SKI: variants seen among roughly 807,000 people sequenced by gnomAD.
SKI encodes SKI proto-oncogene, also known as ski oncogene.
SKI carries 23 observed loss-of-function variants against 59.3 expected under a neutral mutation model. The observed-to-expected ratio is 0.39, with a 90% CI of 0.28 to 0.55. SKI has a LOEUF of 0.55. Among genes scored for constraint, SKI ranks in the 20% least tolerant of loss-of-function variants. SKI has a pLI of 0.67. For missense variants in SKI, 1,017 were observed against 1,038.9 expected (o/e 0.98, Z 0.29); for synonymous variants, 673 against 488.6 (o/e 1.38, Z -4.98).
chr1:2,303,217 C>T lies in SKI; in HGVS notation c.1096-68C>T. On this transcript the variant is annotated intron_variant, in intron 2 of 6. Coordinates refer to ENST00000378536, the MANE Select transcript of SKI (RefSeq NM_003036.4). The surrounding 1 kb of genome is among the most constrained non-coding windows in gnomAD (Gnocchi z 5.6). Reference sequence around the variant, plus strand: ...CGCTACTGAGGGCTGGCACCCGGCGCAGCCTCAGGGACATGAAGTGGCTTG... The same window carrying T: ...CGCTACTGAGGGCTGGCACCCGGCGTAGCCTCAGGGACATGAAGTGGCTTG... 1 of 1,599,394 alleles carries T rather than the reference C, an allele frequency of 6.3e-7. No individual in the cohort carries two copies. The highest frequency in any genetic ancestry group is 8.6e-7 in the Non-Finnish European group (1 of 1,168,566).
chr1:2,248,604 G>T (rs1019359784), intron 1 of SKI, among the ~76,000 whole-genome samples: 1 of 152,212 alleles, frequency 6.6e-6, no homozygotes, highest in Admixed American at 6.5e-5. Context: ...GGCGCTCTGC[G>T]CTGGTTCAGA....
Position 2,246,674 on chromosome 1 carries a change from C to T in SKI, c.969+16939C>T, listed in dbSNP as rs533501584. On this transcript the variant is annotated intron_variant, in intron 1 of 6. Transcript: ENST00000378536. ...GGGCTCTGCCGGGACTGGTGGTGTTCATGGAGAGGGCTTCTGTGTGATGAA... is the reference window on the plus strand; with the variant it reads ...GGGCTCTGCCGGGACTGGTGGTGTTTATGGAGAGGGCTTCTGTGTGATGAA... Among the ~76,000 whole-genome samples, 70 of 152,264 alleles carry T rather than the reference C, an allele frequency of 4.6e-4. 3 individuals carry two copies. The South Asian group carries it at 0.012, about 26-fold the overall frequency.
rs1283941274 is a variant in SKI at position 2,270,902 on chromosome 1, C to T, written c.970-32076C>T. On this transcript the variant is annotated intron_variant, in intron 1 of 6. Transcript: ENST00000378536. This position sits in a 1 kb window ranked among gnomAD's most constrained non-coding sequence, Gnocchi z 4.1. ...GGCACCTGGCCCTGTCCCGGGCCAC[C>T]CCAGGCTGGACCAGCTGCCCATGTC... Among the ~76,000 whole-genome samples the T allele has an allele frequency of 6.6e-6, 1 of 152,216 alleles. No homozygotes were observed. The highest frequency in any genetic ancestry group is 2.4e-5 in the African/African-American group (1 of 41,454).
intron 1 of SKI, among the ~76,000 whole-genome samples, chr1:2,249,616 T>G (rs1639078084): frequency 6.6e-6 from 1 of 152,202 alleles, no homozygotes; most frequent in South Asian, 2.1e-4. Context: ...TGAGAGATGC[T>G]TGACTCCCCA....
At chr1:2,300,355 C>T (rs1640394547) in intron 1 of SKI, among the ~76,000 whole-genome samples, 1 of 151,752 alleles carries the variant, frequency 6.6e-6, no homozygotes, top group Non-Finnish European at 1.5e-5. Context: ...GTGCTCCTGC[C>T]TCGTGGCCTG....
intron 1 of SKI, among the ~76,000 whole-genome samples, chr1:2,242,687 TA>T (rs1006605804): frequency 1.3e-5 from 2 of 152,090 alleles, no homozygotes; most frequent in Non-Finnish European, 2.9e-5. Flanking sequence ...GCCTGGCGGA[TA>T]TTTTTTTTAA....
At position 2,303,845 on chromosome 1, in the gene SKI, ACTC is replaced by A; in HGVS notation, c.1220_1222del (p.Ser407del). On this transcript the variant is annotated inframe_deletion, in exon 4 of 7. Coordinates refer to ENST00000378536, the MANE Select transcript of SKI (RefSeq NM_003036.4). This position sits in a 1 kb window ranked among gnomAD's most constrained non-coding sequence, Gnocchi z 5.6. ...ACACCCGCCTGCCCCTCCAGCTTCT[ACTC>A]CTACAAGAGCTTTGAGACAGCCGTG... is the stretch of plus-strand genomic sequence containing the variant. The A allele has an allele frequency of 6.2e-7, 1 of 1,611,906 alleles. No individual in the cohort carries two copies.
chr1:2,246,232 G>A (rs1273046380), intron 1 of SKI, among the ~76,000 whole-genome samples: 1 of 152,144 alleles, frequency 6.6e-6, no homozygotes, highest in Admixed American at 6.6e-5. Flanking sequence ...CCATCCTAAT[G>A]GGTGTGAGGT....
chr1:2,236,935 C>T (rs776246402), intron 1 of SKI, among the ~76,000 whole-genome samples: 1 of 152,214 alleles, frequency 6.6e-6, no homozygotes, highest in Non-Finnish European at 1.5e-5. Context: ...AGGCTTCCTG[C>T]AGGTCCCACG....
chr1:2,234,152 C>T (rs532543591), intron 1 of SKI, among the ~76,000 whole-genome samples: 5 of 152,252 alleles, frequency 3.3e-5, no homozygotes, highest in African/African-American at 9.6e-5. Context: ...GAAAGACGGC[C>T]GGCTGCTGAG....
Position 2,269,423 on chromosome 1 carries a change from A to G in SKI, c.970-33555A>G, listed in dbSNP as rs1639568630. On this transcript the variant is annotated intron_variant, in intron 1 of 6. Transcript: ENST00000378536. This position sits in a 1 kb window ranked among gnomAD's most constrained non-coding sequence, Gnocchi z 4.7. ...CCCCCACAGCGTCACTAGTAGGCCA[A>G]GCGGACACTGCGGGACACGTTCCCC... Among the ~76,000 whole-genome samples, 1 of 152,262 alleles carries G rather than the reference A, an allele frequency of 6.6e-6. No individual in the cohort carries two copies. Among genetic ancestry groups the G allele is most frequent in the African/African-American group, 2.4e-5 (1 of 41,472 alleles).
Position 2,269,988 on chromosome 1 carries a change from G to A in SKI, c.970-32990G>A, listed in dbSNP as rs1639582264. On this transcript the variant is annotated intron_variant, in intron 1 of 6. Transcript: ENST00000378536. The surrounding 1 kb of genome is among the most constrained non-coding windows in gnomAD (Gnocchi z 4.7). Reference sequence around the variant, plus strand: ...TGCCTGTGGCTGGCGTGGGTCTGGCGGGTCTGGTGGTGCCTGTGGCTGGCG... The same window carrying A: ...TGCCTGTGGCTGGCGTGGGTCTGGCAGGTCTGGTGGTGCCTGTGGCTGGCG... 1.3e-5 allele frequency among the ~76,000 whole-genome samples: 2 copies of A among 148,728 alleles called. No individual in the cohort carries two copies. Among genetic ancestry groups the A allele is most frequent in the African/African-American group, 2.5e-5 (1 of 40,212 alleles).
chr1:2,263,630 A>T (rs1368607807), intron 1 of SKI, among the ~76,000 whole-genome samples: 1 of 151,694 alleles, frequency 6.6e-6, no homozygotes, highest in Non-Finnish European at 1.5e-5. Flanking sequence ...GTGTTAACAG[A>T]GTAATGTTCT....
At chr1:2,230,398 G>A (rs1638608572) in intron 1 of SKI, among the ~76,000 whole-genome samples, 1 of 152,214 alleles carries the variant, frequency 6.6e-6, no homozygotes, top group Non-Finnish European at 1.5e-5. Flanking sequence ...GGGCCTGCCA[G>A]GGACCAAATC....
intron 1 of SKI, among the ~76,000 whole-genome samples, chr1:2,246,860 G>C (rs199889626): frequency 2.0e-5 from 3 of 150,802 alleles, no homozygotes; most frequent in Admixed American, 1.3e-4. Context: ...TGATGGGGGG[G>C]GCCTCAGGAA....
At chr1:2,253,290 G>A (rs1427500290) in intron 1 of SKI, among the ~76,000 whole-genome samples, 2 of 151,962 alleles carry the variant, frequency 1.3e-5, no homozygotes, top group Admixed American at 6.6e-5. Context: ...GAGCACCCAG[G>A]TTGGTATCAT....
At chr1:2,280,308 G>A (rs1327500825) in intron 1 of SKI, among the ~76,000 whole-genome samples, 1 of 151,884 alleles carries the variant, frequency 6.6e-6, no homozygotes, top group African/African-American at 2.4e-5. Context: ...CCCGGGAGGC[G>A]GAGGTTGCAG....
At position 2,229,044 on chromosome 1, in the gene SKI, C is replaced by T. The variant is rs749071609; in HGVS notation, c.278C>T (p.Pro93Leu). 1 of 1,603,424 alleles carries T rather than the reference C, an allele frequency of 6.2e-7. No individual in the cohort carries two copies. The change falls in exon 1 of 7, where the codon CCG becomes CTG. Residue 93 changes from proline to leucine, a missense_variant. Physicochemically the swap from Pro to Leu is moderately conservative, Grantham distance 98. Transcript: ENST00000378536. The surrounding 1 kb of genome is among the most constrained non-coding windows in gnomAD (Gnocchi z 6.3). ...GTGCTGCCCGGGCCCTTCTTCATGC[C>T]GTCCGACCGCTCCACCGAGCGCTGC... ...PPVLPGPFFM[P>L]SDRSTERCET...
At position 2,229,312 on chromosome 1, in the gene SKI, C is replaced by T; in HGVS notation, c.546C>T (p.Ala182=). The T allele has an allele frequency of 1.9e-6, 3 of 1,595,726 alleles. No individual in the cohort carries two copies. The highest frequency in any genetic ancestry group is 2.6e-6 in the Non-Finnish European group (3 of 1,172,056). The change falls in exon 1 of 7, where the codon GCC becomes GCT. Residue 182 remains alanine (A), a synonymous_variant. Transcript: ENST00000378536. This position sits in a 1 kb window ranked among gnomAD's most constrained non-coding sequence, Gnocchi z 6.3. ...PSCGLITKTD[A]ERLCNALLYG... ...GCGGGCTCATCACCAAGACGGACGC[C>T]GAGCGCCTGTGCAACGCGCTGCTCT...
Sources: gnomAD v4.1 joint callset for allele counts (sites outside exome capture counted in the v4.1 genomes callset) on GRCh38, gnomAD v4.1.1 for gene constraint, Gnocchi (gnomAD v3.1) non-coding constraint, MANE v1.5 for transcripts, NCBI Gene and HGNC (gene_info 2026-07-23, HGNC 2026-07-21) for gene names.